Variants in DENND6A observed in about 807,000 individuals in gnomAD.
DENND6A encodes DENN domain containing 6A.
In DENND6A, 43 loss-of-function variants were observed where a neutral mutation model predicts 95.5. The ratio of observed to expected loss-of-function variants is 0.45; its 90% confidence interval spans 0.35 to 0.58. The LOEUF is 0.58. Among genes scored for constraint, DENND6A ranks in the 20% least tolerant of loss-of-function variants. The pLI is 0.00. For synonymous variants in DENND6A, 257 were observed against 260.4 expected (o/e 0.99, Z 0.13); for missense variants, 574 against 736.0 (o/e 0.78, Z 2.55).
chr3:57,636,868 C>T (rs552825596), intron 12 of DENND6A, among the ~76,000 whole-genome samples: 2 of 143,948 alleles, frequency 1.4e-5, no homozygotes, highest in East Asian at 4.1e-4. Flanking sequence ...ACCCAGAAGG[C>T]AGAGGCTGCA....
At chr3:57,682,453 G>A (rs972059677) in intron 1 of DENND6A, among the ~76,000 whole-genome samples, 1 of 152,056 alleles carries the variant, frequency 6.6e-6, no homozygotes, top group East Asian at 1.9e-4. Flanking sequence ...TCATGCTTAA[G>A]AACTGATTCA....
intron 1 of DENND6A, among the ~76,000 whole-genome samples, chr3:57,682,281 CAAAAAAAA>C (rs10618015): frequency 1.3e-4 from 7 of 53,544 alleles, no homozygotes; most frequent in African/African-American, 4.9e-4. Context: ...GACTCCGTCT[CAAAAAAAA>C]AAAAAAAAAA....
chr3:57,681,404 C>T (rs2077163081), intron 1 of DENND6A, among the ~76,000 whole-genome samples: 1 of 151,890 alleles, frequency 6.6e-6, no homozygotes, highest in Non-Finnish European at 1.5e-5. Context: ...GCAGAGCTTG[C>T]AGTGAGCCGA....
intron 12 of DENND6A, among the ~76,000 whole-genome samples, chr3:57,635,558 G>C (rs1034271624): frequency 2.0e-5 from 3 of 152,076 alleles, no homozygotes; most frequent in Non-Finnish European, 4.4e-5. Flanking sequence ...ACAATCTAGA[G>C]ATTATATTAT....
intron 1 of DENND6A, among the ~76,000 whole-genome samples, chr3:57,673,249 A>G (rs867193822): frequency 1.3e-5 from 2 of 151,698 alleles, no homozygotes; most frequent in Non-Finnish European, 2.9e-5. Flanking sequence ...AAAAGAAAAA[A>G]AAAAAATAAT....
chr3:57,669,862 A>C (rs1302311070), intron 3 of DENND6A, among the ~76,000 whole-genome samples: 1 of 151,598 alleles, frequency 6.6e-6, no homozygotes, highest in Non-Finnish European at 1.5e-5. Flanking sequence ...TCTCTACTAA[A>C]CATACAAAAA....
intron 9 of DENND6A, among the ~76,000 whole-genome samples, chr3:57,651,012 G>A (rs145021484): frequency 1.0e-3 from 157 of 152,140 alleles, no homozygotes; most frequent in Non-Finnish European, 8.7e-4. Flanking sequence ...TCGAACTCCC[G>A]ATCTCAGATG....
intron 11 of DENND6A, among the ~76,000 whole-genome samples, chr3:57,642,232 T>G (rs986492480): frequency 6.8e-6 from 1 of 146,978 alleles, no homozygotes; most frequent in Non-Finnish European, 1.5e-5. Flanking sequence ...GAGAATTGCT[T>G]GAAACCAGGA....
At chr3:57,649,641 A>T (rs2167646) in intron 9 of DENND6A, among the ~76,000 whole-genome samples, 13,427 of 102,526 alleles carry the variant, frequency 0.13, 771 homozygotes, top group African/African-American at 0.22. Flanking sequence ...AAAAAAAAAA[A>T]ATATATATAT....
chr3:57,644,802 TGGGGAGGGGA>T (rs2071040480), intron 11 of DENND6A, among the ~76,000 whole-genome samples: 3 of 1,248 alleles, frequency 2.4e-3, no homozygotes, highest in Non-Finnish European at 4.2e-3. Context: ...AGGGGAGGGG[TGGGGAGGGGA>T]GGGGAGGGGG....
intron 7 of DENND6A, 58 bp from the exon 8 acceptor site, chr3:57,659,238 T>C: frequency 6.4e-7 from 1 of 1,557,652 alleles, no homozygotes; most frequent in South Asian, 1.1e-5. Flanking sequence ...TGAGAAGTGC[T>C]GTATCCTGCT....
At chr3:57,641,154 T>C (rs2070921204) in intron 12 of DENND6A, among the ~76,000 whole-genome samples, 1 of 146,380 alleles carries the variant, frequency 6.8e-6, no homozygotes, top group Admixed American at 7.0e-5. Flanking sequence ...TTATTGGGCT[T>C]TTAAATATAT....
chr3:57,634,716 C>T lies in DENND6A; in HGVS notation c.1186G>A (p.Asp396Asn). The change falls in exon 13 of 20, where the codon GAT becomes AAT. Residue 396 changes from aspartate to asparagine, a missense_variant. Asp to Asn is a conservative substitution (Grantham distance 23, BLOSUM62 1). Transcript: ENST00000311128. ...VKKLKNLKTLDSKPGVYTSYK... is the reference protein window; with the variant it reads ...VKKLKNLKTLNSKPGVYTSYK... ...TAAAAGTCAATACCAGGTTTGGAAT[C>T]CAGAGTCTTTAGATTCTTCAGTTTT... The T allele has an allele frequency of 6.4e-7, 1 of 1,565,286 alleles. No homozygotes were observed. The highest frequency in any genetic ancestry group is 1.4e-5 in the African/African-American group (1 of 72,958).
intron 1 of DENND6A, among the ~76,000 whole-genome samples, chr3:57,681,658 A>G (rs1191804265): frequency 6.8e-6 from 1 of 148,122 alleles, no homozygotes; most frequent in East Asian, 1.9e-4. Flanking sequence ...AAGAAAAAAG[A>G]AAGAAACAAT....
At chr3:57,654,570 T>C (rs2071284357) in intron 9 of DENND6A, 1 of 919,444 alleles carries the variant, frequency 1.1e-6, no homozygotes, top group Non-Finnish European at 1.3e-6. Context: ...GCAAATATCA[T>C]CAAGTAAAAT....
At chr3:57,631,110 C>A (rs2070661178) in intron 15 of DENND6A, 132 bp from the exon 16 acceptor site, 2 of 698,164 alleles carry the variant, frequency 2.9e-6, no homozygotes, top group African/African-American at 1.8e-5. Flanking sequence ...CCATCACTCC[C>A]CACAAGAGAT....
intron 12 of DENND6A, among the ~76,000 whole-genome samples, chr3:57,636,171 C>T (rs957916624): frequency 2.6e-5 from 4 of 152,162 alleles, no homozygotes; most frequent in African/African-American, 2.4e-5. Context: ...TTTTCTACTA[C>T]ACAGGAAGTT....
At chr3:57,668,655 G>A (rs760433577) in intron 3 of DENND6A, among the ~76,000 whole-genome samples, 9 of 152,134 alleles carry the variant, frequency 5.9e-5, no homozygotes, top group Admixed American at 1.3e-4. Context: ...CTAAGGTGGC[G>A]GAGGGGCGGG....
intron 9 of DENND6A, 148 bp from the exon 10 acceptor site, chr3:57,646,586 T>C (rs1183444018): frequency 3.3e-6 from 4 of 1,194,308 alleles, no homozygotes; most frequent in African/African-American, 1.5e-5. Flanking sequence ...ATTTAGAATA[T>C]GGTGATGTAT....
Sources: gnomAD v4.1 joint callset for allele counts (sites outside exome capture counted in the v4.1 genomes callset) on GRCh38, gnomAD v4.1.1 for gene constraint, MANE v1.5 for transcripts, NCBI Gene and HGNC (gene_info 2026-07-23, HGNC 2026-07-21) for gene names.